ROBO2: variants seen among roughly 807,000 people sequenced by gnomAD.
ROBO2 encodes the protein roundabout guidance receptor 2.
Under a neutral mutation model 160.8 loss-of-function variants are expected in ROBO2, and 53 were observed. The ratio of observed to expected loss-of-function variants is 0.33; its 90% confidence interval spans 0.26 to 0.41. The LOEUF is 0.41. Ranked by LOEUF, ROBO2 falls within the 10% of genes least tolerant of loss-of-function variation. The pLI, the probability that ROBO2 is intolerant of heterozygous loss-of-function variation, is 1.00. For missense variants in ROBO2, 1,577 were observed against 1,722.4 expected (o/e 0.92, Z 1.49); for synonymous variants, 664 against 611.7 (o/e 1.09, Z -1.26).
At chr3:76,870,371 A>G in intron 2 of ROBO2, among the ~76,000 whole-genome samples, 1 of 152,222 alleles carries the variant, frequency 6.6e-6, no homozygotes, top group East Asian at 1.9e-4. Flanking sequence ...TAATCAATAA[A>G]TATTATATGG....
At chr3:77,607,658 T>C (rs1191718919) in intron 20 of ROBO2, 140 bp from the exon 22 acceptor site, 1 of 781,354 alleles carries the variant, frequency 1.3e-6, no homozygotes, top group Non-Finnish European at 2.1e-6. Context: ...TTTCTGATTA[T>C]ATCATTTCAT....
At chr3:76,448,957 A>G (rs2077334067) in intron 2 of ROBO2, among the ~76,000 whole-genome samples, 1 of 150,474 alleles carries the variant, frequency 6.6e-6, no homozygotes, top group South Asian at 2.1e-4. Context: ...TTGAGACACT[A>G]CGTTCCATAC....
At chr3:77,297,061 A>G (rs1266166680) in intron 2 of ROBO2, among the ~76,000 whole-genome samples, 1 of 151,806 alleles carries the variant, frequency 6.6e-6, no homozygotes. Flanking sequence ...GTCTGGAGTT[A>G]TCACAAAGTT....
Position 76,567,646 on chromosome 3 carries a change from T to C in ROBO2, c.110-530368T>C, listed in dbSNP as rs1463672831. Among the ~76,000 whole-genome samples, 118 of 94,830 alleles carry C rather than the reference T, an allele frequency of 1.2e-3. 1 individual carries two copies. The highest frequency in any genetic ancestry group is 4.8e-3 in the African/African-American group (111 of 23,282). 62.2% of individuals were successfully genotyped at this position (94,830 alleles called of 152,430 possible). The stretch of plus-strand genomic sequence containing the variant: ...ATATATATATATATATATATATATA[T>C]ATATATACACATACACATATATATA... On this transcript the variant is annotated intron_variant, in intron 2 of 26. Transcript: ENST00000487694.
intron 4 of ROBO2, among the ~76,000 whole-genome samples, chr3:77,492,722 T>A (rs2153600097): frequency 6.6e-6 from 1 of 152,318 alleles, no homozygotes; most frequent in East Asian, 1.9e-4. Context: ...ATGGGAATAT[T>A]GAGTCCTTAT....
chr3:76,399,592 A>G (rs952704317), intron 2 of ROBO2, among the ~76,000 whole-genome samples: 1 of 151,748 alleles, frequency 6.6e-6, no homozygotes, highest in Non-Finnish European at 1.5e-5. Context: ...TTAAAATGAG[A>G]TCAGTAAAAT....
At chr3:76,892,384 T>C (rs892778477) in intron 2 of ROBO2, among the ~76,000 whole-genome samples, 1 of 152,192 alleles carries the variant, frequency 6.6e-6, no homozygotes, top group Admixed American at 6.5e-5. Flanking sequence ...GTCATCTACT[T>C]AGCCCATAGC....
intron 2 of ROBO2, among the ~76,000 whole-genome samples, chr3:76,185,576 T>C (rs1418271277): frequency 6.6e-6 from 1 of 151,914 alleles, no homozygotes; most frequent in Non-Finnish European, 1.5e-5. Context: ...GCTGCCCAAA[T>C]AGACAGAGAG....
In ROBO2 at chr3:77,282,996, G is replaced by A. The variant is rs551598861; in HGVS notation, c.388+184656G>A. On this transcript the variant is annotated intron_variant, in intron 2 of 25. Coordinates refer to ENST00000461745, the Ensembl canonical transcript of ROBO2. ...AAAATATTTGCTGATATAAACCTGA[G>A]AATTTAAATGTCAATTATGGCAAAA... Among the ~76,000 whole-genome samples, 487 of 150,696 alleles carry A rather than the reference G, an allele frequency of 3.2e-3. 2 individuals carry two copies. Among genetic ancestry groups the A allele is most frequent in the African/African-American group, 0.011 (468 of 41,204 alleles).
intron 2 of ROBO2, among the ~76,000 whole-genome samples, chr3:76,211,376 A>C (rs1703137183): frequency 6.6e-6 from 1 of 152,098 alleles, no homozygotes; most frequent in East Asian, 1.9e-4. Context: ...TCAGCCTGGA[A>C]TTTTAGAAAA....
At chr3:76,690,196 A>C (rs2092771790) in intron 2 of ROBO2, among the ~76,000 whole-genome samples, 1 of 152,110 alleles carries the variant, frequency 6.6e-6, no homozygotes, top group Admixed American at 6.6e-5. Flanking sequence ...TTCCCTATGG[A>C]CCAAGACTGC....
chr3:76,587,543 T>C (rs1302367845), intron 2 of ROBO2, among the ~76,000 whole-genome samples: 1 of 151,978 alleles, frequency 6.6e-6, no homozygotes, highest in East Asian at 1.9e-4. Flanking sequence ...TATAAAACAG[T>C]CAGATCTCCT....
At chr3:76,191,604 A>C (rs1389900942) in intron 2 of ROBO2, among the ~76,000 whole-genome samples, 1 of 152,008 alleles carries the variant, frequency 6.6e-6, no homozygotes, top group African/African-American at 2.4e-5. Flanking sequence ...CTTTAGTTCA[A>C]TTCTGCATTA....
intron 2 of ROBO2, among the ~76,000 whole-genome samples, chr3:77,455,592 C>A (rs561925806): frequency 6.6e-6 from 1 of 152,168 alleles, no homozygotes; most frequent in African/African-American, 2.4e-5. Context: ...CCACCACGCC[C>A]AGCTAATTTT....
intron 2 of ROBO2, among the ~76,000 whole-genome samples, chr3:76,817,683 A>G (rs1055478171): frequency 4.6e-5 from 7 of 151,940 alleles, no homozygotes; most frequent in Non-Finnish European, 7.4e-5. Flanking sequence ...AGTCCATTGT[A>G]TCATTCTTAT....
chr3:76,054,354 G>T (rs1194841596), intron 2 of ROBO2, among the ~76,000 whole-genome samples: 2 of 152,118 alleles, frequency 1.3e-5, no homozygotes, highest in Non-Finnish European at 2.9e-5. Flanking sequence ...TCTACTTACT[G>T]ACATGTCAAG....
intron 2 of ROBO2, among the ~76,000 whole-genome samples, chr3:76,399,369 T>C (rs6794483): frequency 0.3 from 45,025 of 151,378 alleles, 9,889 homozygotes; most frequent in African/African-American, 0.62. Flanking sequence ...GAAACATTAT[T>C]GCTATTGTAC....
intron 2 of ROBO2, among the ~76,000 whole-genome samples, chr3:76,272,794 A>ATAATATGTATT (rs1178960870): frequency 2.0e-4 from 2 of 9,850 alleles, no homozygotes; most frequent in African/African-American, 3.1e-4. Context: ...TATAAAATAT[A>ATAATATGTATT]TATATATAAA....
chr3:76,049,403 A>ATAT (rs1414664360), intron 2 of ROBO2, among the ~76,000 whole-genome samples: 9 of 53,752 alleles, frequency 1.7e-4, no homozygotes, highest in East Asian at 1.3e-3. Context: ...ATATATATAT[A>ATAT]TTTTTTTTTT....
Sources: gnomAD v4.1 joint callset for allele counts (sites outside exome capture counted in the v4.1 genomes callset) on GRCh38, gnomAD v4.1.1 for gene constraint, MANE v1.5 for transcripts, NCBI Gene and HGNC (gene_info 2026-07-23, HGNC 2026-07-21) for gene names.